INTS4: variants seen among roughly 807,000 people sequenced by gnomAD.
INTS4 encodes MSTP093.
In INTS4, 70 loss-of-function variants were observed where a neutral mutation model predicts 119.5. The ratio of observed to expected loss-of-function variants is 0.59; its 90% CI spans 0.48 to 0.71. The LOEUF (loss-of-function observed/expected upper bound fraction) is 0.71, where lower values mean the gene tolerates loss of function less well. Ranked by LOEUF, INTS4 falls within the 30% of genes least tolerant of loss-of-function variation. INTS4 has a pLI of 0.00. For missense variants in INTS4, 867 were observed against 1,173.2 expected (o/e 0.74, Z 3.81); for synonymous variants, 316 against 419.6 (o/e 0.75, Z 3.02).
rs187568116 is a variant in INTS4, at chr11:77,988,231, T to C, written c.246+2877A>G. Reference sequence around the variant, plus strand: ...TACGGAGCTCAAAGTCTGAAGGAGATAGACACATATGGCAAACAATTGCAA... The same window carrying C: ...TACGGAGCTCAAAGTCTGAAGGAGACAGACACATATGGCAAACAATTGCAA... On this transcript the variant is annotated intron_variant, in intron 2 of 22. Transcript: ENST00000534064. Among the ~76,000 whole-genome samples, 709 of 152,302 alleles carry C rather than the reference T, an allele frequency of 4.7e-3. 4 individuals are homozygous for C. Among genetic ancestry groups the C allele is most frequent in the Non-Finnish European group, 7.3e-3 (494 of 68,028 alleles).
At chr11:77,952,497 T>C (rs1309141461) in intron 8 of INTS4, among the ~76,000 whole-genome samples, 1 of 152,220 alleles carries the variant, frequency 6.6e-6, no homozygotes, top group African/African-American at 2.4e-5. Context: ...TTAATAGTTA[T>C]GTGTGAATAT....
chr11:77,945,446 T>A (rs1668326), intron 8 of INTS4, among the ~76,000 whole-genome samples: 1 of 151,864 alleles, frequency 6.6e-6, no homozygotes, highest in African/African-American at 2.4e-5. Context: ...CTCTTCATCC[T>A]TGAGAACCCG....
intron 4 of INTS4, among the ~76,000 whole-genome samples, chr11:77,972,080 A>G (rs1185469425): frequency 6.6e-6 from 1 of 152,140 alleles, no homozygotes; most frequent in Non-Finnish European, 1.5e-5. Flanking sequence ...CCAAAGACAC[A>G]TGAGTTTATT....
Position 77,921,354 on chromosome 11 carries a change from C to T in INTS4, c.1750G>A (p.Val584Ile). The T allele has an allele frequency of 6.2e-7, 1 of 1,613,384 alleles. No homozygotes were observed. The highest frequency in any genetic ancestry group is 8.5e-7 in the Non-Finnish European group (1 of 1,179,548). ...TTTCAACATACCCTCAAGGCAGGAA[C>T]AAGATGAGAAAGACTGTCTCGGAGG... is the stretch of plus-strand genomic sequence containing the variant. The part of the protein sequence containing the change: ...AYLRDSLSHL[V>I]PALRLPGRKL... Residue 584 changes from valine to isoleucine, a missense_variant, in exon 14 of 23, where the codon GTT becomes ATT. This residue lies in a region of INTS4 where 262 missense variants were observed against 376.0 expected (regional missense o/e 0.70). Transcript: ENST00000534064.
At chr11:77,920,098 C>T (rs1355411473) in intron 14 of INTS4, among the ~76,000 whole-genome samples, 2 of 151,458 alleles carry the variant, frequency 1.3e-5, no homozygotes, top group African/African-American at 2.4e-5. Context: ...TATGAGCCAC[C>T]GCACCTGGCC....
chr11:77,943,043 G>C (rs765808597), intron 8 of INTS4, among the ~76,000 whole-genome samples: 63 of 152,008 alleles, frequency 4.1e-4, no homozygotes, highest in Non-Finnish European at 7.1e-4. Flanking sequence ...AACTATAAAC[G>C]CTTAAGACCT....
chr11:77,878,928 G>A lies in INTS4; in HGVS notation c.*21C>T. On this transcript the variant is annotated 3_prime_UTR_variant, in exon 23 of 23. Transcript: ENST00000534064. ...CCTAAGAAGGGCCCTCTAGGCCACG[G>A]TTGGGAAGACTGTTTTTGCCTTAGC... The A allele has an allele frequency of 6.2e-7, 1 of 1,604,690 alleles. No homozygotes were observed. The highest frequency in any genetic ancestry group is 8.5e-7 in the Non-Finnish European group (1 of 1,171,798).
rs1954459993 is a variant in INTS4, at chr11:77,961,096, G to C, written c.514C>G (p.Gln172Glu). Residue 172 changes from glutamine to glutamate, a missense_variant, in exon 5 of 23, where the codon CAG becomes GAG. Coordinates refer to ENST00000534064, the MANE Select transcript of INTS4 (RefSeq NM_033547.4). ...AAAGAGCCAAGATTGCCAAGTAACT[G>C]CAGGCACTTATTTCTTACACCATGA... ...TSHGVRNKCL[Q>E]LLGNLGSLEK... 6.2e-7 allele frequency: 1 copy of C among 1,602,282 alleles called. No individual in the cohort carries two copies. Among genetic ancestry groups the C allele is most frequent in the Admixed American group, 1.7e-5 (1 of 58,230 alleles).
chr11:77,891,881 C>T, intron 19 of INTS4, 41 bp from the exon 20 acceptor site: 3 of 1,609,818 alleles, frequency 1.9e-6, no homozygotes, highest in Admixed American at 1.7e-5. Context: ...TTCAACTGTG[C>T]ACTCATTCAC....
intron 18 of INTS4, among the ~76,000 whole-genome samples, chr11:77,894,665 T>C (rs1440243097): frequency 1.3e-5 from 2 of 152,194 alleles, no homozygotes; most frequent in Non-Finnish European, 2.9e-5. Context: ...CAGTGTCAAG[T>C]TCCCCTTCTG....
Position 77,928,397 on chromosome 11 carries a change from G to T in INTS4, c.1316C>A (p.Ser439Tyr), listed in dbSNP as rs779006309. Residue 439 changes from serine to tyrosine, a missense_variant, in exon 11 of 23, where the codon TCT becomes TAT. Ser to Tyr is a moderately radical substitution (Grantham distance 144). Transcript: ENST00000534064. ...LQSIHTMRKI[S>Y]NNITLREDQL... ...ATCTTCTCGGAGGGTGATGTTGTTA[G>T]AGATTTTTCTCATGGTATGTATAGA... is the stretch of plus-strand genomic sequence containing the variant. 51 of 1,612,302 alleles carry T rather than the reference G, an allele frequency of 3.2e-5. No homozygotes were observed. The highest frequency in any genetic ancestry group is 4.2e-5 in the Non-Finnish European group (50 of 1,178,910).
intron 7 of INTS4, among the ~76,000 whole-genome samples, chr11:77,958,173 C>T (rs1954378079): frequency 6.6e-6 from 1 of 151,572 alleles, no homozygotes; most frequent in Admixed American, 6.6e-5. Context: ...GGAAAAAACA[C>T]CCCTTTTTCC....
At chr11:77,878,541 G>C (rs1951671458), downstream of INTS4, among the ~76,000 whole-genome samples, 2 of 152,122 alleles carry the variant, frequency 1.3e-5, no homozygotes, top group African/African-American at 4.8e-5. Flanking sequence ...AGCGGCCTTG[G>C]AGTTGCCCTG....
intron 14 of INTS4, 83 bp downstream of exon 14, chr11:77,921,257 C>G: frequency 2.1e-6 from 3 of 1,408,860 alleles, no homozygotes; most frequent in Non-Finnish European, 3.0e-6. Flanking sequence ...ATAACAAGAC[C>G]CCCATCTCAA....
At chr11:77,906,618 T>C (rs1165957973) in intron 16 of INTS4, among the ~76,000 whole-genome samples, 1 of 152,210 alleles carries the variant, frequency 6.6e-6, no homozygotes, top group East Asian at 1.9e-4. Flanking sequence ...CACAGATATA[T>C]ACATTAGAAA....
At chr11:77,933,011 G>A (rs1953693086) in intron 10 of INTS4, among the ~76,000 whole-genome samples, 1 of 151,794 alleles carries the variant, frequency 6.6e-6, no homozygotes, top group Non-Finnish European at 1.5e-5. Context: ...TAACGTAGAT[G>A]ATGGGTTGAC....
intron 16 of INTS4, among the ~76,000 whole-genome samples, chr11:77,906,421 A>G (rs1565235999): frequency 6.6e-6 from 1 of 152,166 alleles, no homozygotes; most frequent in Non-Finnish European, 1.5e-5. Flanking sequence ...TGTTCTTTTT[A>G]GGAGTAATCA....
At chr11:77,899,687 A>C (rs1344226438) in intron 18 of INTS4, among the ~76,000 whole-genome samples, 1 of 152,112 alleles carries the variant, frequency 6.6e-6, no homozygotes, top group Admixed American at 6.6e-5. Context: ...AAAAAAAAGA[A>C]AAATATAAAA....
At chr11:77,961,768 T>C (rs906966248) in intron 4 of INTS4, among the ~76,000 whole-genome samples, 4 of 152,238 alleles carry the variant, frequency 2.6e-5, no homozygotes, top group African/African-American at 9.6e-5. Context: ...GTTTGTAAGA[T>C]TTATGCAAGG....
Sources: allele counts gnomAD v4.1 joint callset (sites outside exome capture counted in the v4.1 genomes callset), GRCh38; gene constraint gnomAD v4.1.1; regional missense constraint gnomAD v4.1.1; transcripts MANE v1.5; gene names NCBI Gene and HGNC (gene_info 2026-07-23, HGNC 2026-07-21).